Variants in STT3B observed in about 807,000 individuals in gnomAD.
STT3B encodes dolichyl-diphosphooligosaccharide--protein glycosyltransferase subunit STT3B.
STT3B carries 29 observed loss-of-function variants against 96.8 expected under a neutral mutation model. The observed-to-expected ratio is 0.30, with a 90% CI of 0.22 to 0.41. STT3B has a LOEUF of 0.41. Among genes scored for constraint, STT3B ranks in the 10% least tolerant of loss-of-function variants. STT3B has a pLI of 1.00. For synonymous variants in STT3B, 367 were observed against 360.0 expected, an observed-to-expected ratio of 1.02 and a Z score of -0.22; for missense variants, 640 against 1,022.3, an observed-to-expected ratio of 0.63 and a Z score of 5.10.
chr3:31,579,361 G>GAAAGGAAA (rs1698330282), intron 2 of STT3B, among the ~76,000 whole-genome samples: 1 of 149,938 alleles, frequency 6.7e-6, no homozygotes, highest in African/African-American at 2.4e-5. Flanking sequence ...AATTTTGTGT[G>GAAAGGAAA]TAATTTTTCT....
chr3:31,583,677 T>A (rs1039644726), intron 3 of STT3B, among the ~76,000 whole-genome samples: 2 of 152,214 alleles, frequency 1.3e-5, no homozygotes, highest in Non-Finnish European at 2.9e-5. Flanking sequence ...TCTGCCAATC[T>A]CTGTTTTTGG....
rs949533229 is a variant in STT3B at position 31,626,126 on chromosome 3, G to A, written c.2072G>A (p.Arg691Gln). 1.2e-5 allele frequency: 20 copies of A among 1,611,282 alleles called. No individual in the cohort carries two copies. The Admixed American group carries it at 1.3e-4, about 11-fold the overall frequency. The change falls in exon 13 of 16, where the codon CGG becomes CAG. Residue 691 changes from arginine to glutamine, a missense_variant and splice_region_variant. This residue lies in a region of STT3B where 40 missense variants were observed against 122.2 expected (regional missense o/e 0.33). Coordinates refer to ENST00000295770, the MANE Select transcript of STT3B (RefSeq NM_178862.3). Reference protein sequence around the residue: ...IAEGEHPKDIRESDYFTPQGE... With the variant: ...IAEGEHPKDIQESDYFTPQGE... Reference sequence around the variant, plus strand: ...GAAGGAGAACATCCCAAAGACATTCGGGTAAGAAACTAGATAATTCCAGGT... The same window carrying A: ...GAAGGAGAACATCCCAAAGACATTCAGGTAAGAAACTAGATAATTCCAGGT...
chr3:31,635,954 A>G (rs748562950), intron 15 of STT3B, 30 bp from the exon 16 acceptor site: 2 of 1,540,830 alleles, frequency 1.3e-6, no homozygotes, highest in Non-Finnish European at 1.8e-6. Flanking sequence ...AGAAACCTGC[A>G]TTAATACTAT....
Position 31,635,981 on chromosome 3 carries a change from T to C in STT3B, c.2401-3T>C. 2 of 1,598,932 alleles carry C rather than the reference T, an allele frequency of 1.3e-6. No homozygotes were observed. Among genetic ancestry groups the C allele is most frequent in the Non-Finnish European group, 1.7e-6 (2 of 1,174,090 alleles). Reference sequence around the variant, plus strand: ...TAATACTATGTGTTTTGTTTTTTTATAGACTACCAAAAGGAAGCGTGGCTA... The same window carrying C: ...TAATACTATGTGTTTTGTTTTTTTACAGACTACCAAAAGGAAGCGTGGCTA... On this transcript the variant is annotated splice_polypyrimidine_tract_variant and splice_region_variant and intron_variant, in intron 15 of 15. Coordinates refer to ENST00000295770, the MANE Select transcript of STT3B (RefSeq NM_178862.3).
chr3:31,574,085 G>A (rs956609113), intron 1 of STT3B, among the ~76,000 whole-genome samples: 1 of 152,118 alleles, frequency 6.6e-6, no homozygotes, highest in African/African-American at 2.4e-5. Context: ...GTTATTAGCA[G>A]TCCCTTGAAG....
At chr3:31,548,191 G>T (rs1299253703) in intron 1 of STT3B, among the ~76,000 whole-genome samples, 1 of 152,038 alleles carries the variant, frequency 6.6e-6, no homozygotes, top group African/African-American at 2.4e-5. Flanking sequence ...TCTTGCCTAA[G>T]AAGTAAACTA....
At position 31,577,224 on chromosome 3, in the gene STT3B, C is replaced by G. The variant is rs573546731; in HGVS notation, c.423+720C>G. Among the ~76,000 whole-genome samples, 400 of 151,826 alleles carry G rather than the reference C, an allele frequency of 2.6e-3. 2 individuals are homozygous for G. Among genetic ancestry groups the G allele is most frequent in the Non-Finnish European group, 4.3e-3 (291 of 67,874 alleles). On this transcript the variant is annotated intron_variant, in intron 2 of 15. Transcript: ENST00000295770. The stretch of plus-strand genomic sequence containing the variant: ...TTAAATTTTAATTTATTTTCTTCTT[C>G]TTTTGTGAGTTTATTTTCATGTTCT...
At chr3:31,579,712 T>C (rs1007209239) in intron 2 of STT3B, 97 bp from the exon 3 acceptor site, 22 of 975,410 alleles carry the variant, frequency 2.3e-5, no homozygotes, top group Non-Finnish European at 2.6e-5. Flanking sequence ...TTCAAACTTA[T>C]GTAAGGTAAA....
At chr3:31,586,885 A>G (rs1488095768) in intron 3 of STT3B, among the ~76,000 whole-genome samples, 1 of 152,168 alleles carries the variant, frequency 6.6e-6, no homozygotes, top group African/African-American at 2.4e-5. Context: ...GAATCACATT[A>G]TTAACTTCTT....
chr3:31,545,318 G>A (rs1275663332), intron 1 of STT3B, among the ~76,000 whole-genome samples: 1 of 152,138 alleles, frequency 6.6e-6, no homozygotes, highest in Non-Finnish European at 1.5e-5. Context: ...GCATTTCAAT[G>A]AAGTGTCAAA....
chr3:31,627,157 G>A (rs1699555213), intron 13 of STT3B, among the ~76,000 whole-genome samples: 2 of 152,170 alleles, frequency 1.3e-5, no homozygotes, highest in Non-Finnish European at 2.9e-5. Flanking sequence ...CTGGTCCGTG[G>A]CCTGTTAGGA....
At chr3:31,573,069 A>G (rs946170223) in intron 1 of STT3B, among the ~76,000 whole-genome samples, 4 of 152,168 alleles carry the variant, frequency 2.6e-5, no homozygotes, top group East Asian at 3.8e-4. Flanking sequence ...GACATCAGTG[A>G]TACAGGCAGA....
At chr3:31,594,264 T>C (rs368713254) in intron 3 of STT3B, among the ~76,000 whole-genome samples, 39 of 152,252 alleles carry the variant, frequency 2.6e-4, no homozygotes, top group African/African-American at 9.4e-4. Context: ...GCTGGTGTCC[T>C]CCCTATCATT....
At chr3:31,542,856 C>G (rs904265734) in intron 1 of STT3B, among the ~76,000 whole-genome samples, 6 of 152,116 alleles carry the variant, frequency 3.9e-5, no homozygotes, top group African/African-American at 1.2e-4. Context: ...ATCATGAGGT[C>G]AGGAGTTCAA....
chr3:31,573,061 C>T (rs946285302), intron 1 of STT3B, among the ~76,000 whole-genome samples: 1 of 151,948 alleles, frequency 6.6e-6, no homozygotes. Flanking sequence ...GGGAGGGAGA[C>T]ATCAGTGATA....
rs980255269 is a variant in STT3B, at chr3:31,537,568, C to T, written c.314+4256C>T. ...AATCATAGATTTCATGATGTATAGG[C>T]CCTACGGTAGTTAGGGTCTGTCATG... is the stretch of plus-strand genomic sequence containing the variant. On this transcript the variant is annotated intron_variant, in intron 1 of 15. Coordinates refer to ENST00000295770, the MANE Select transcript of STT3B (RefSeq NM_178862.3). Among the ~76,000 whole-genome samples the T allele has an allele frequency of 2.0e-5, 3 of 152,134 alleles. No homozygotes were observed. In the South Asian group the frequency reaches 6.2e-4, roughly 32 times the overall value.
rs1255403026 is a variant in STT3B at position 31,617,887 on chromosome 3, T to C, written c.1124-53T>C. The C allele has an allele frequency of 4.0e-6, 5 of 1,239,472 alleles. No individual in the cohort carries two copies. In the East Asian group the frequency reaches 7.0e-5, roughly 17 times the overall value. The allele number at this position is 1,239,472 out of a possible 1,614,324, so 76.8% of individuals were successfully genotyped here. A position where few individuals can be genotyped will look rare whatever the true frequency, so the allele number is the denominator to read the frequency against. On this transcript the variant is annotated intron_variant, in intron 7 of 15. Coordinates refer to ENST00000295770, the MANE Select transcript of STT3B (RefSeq NM_178862.3). ...CAATAAACATAAAGGCAATAAAAGA[T>C]TTACAAAATAATAAAAAGGCAGATT...
rs1699754642 is a variant in STT3B at position 31,636,329 on chromosome 3, T to C, written c.*265T>C. The C allele has an allele frequency of 3.6e-6, 1 of 276,890 alleles. No individual in the cohort carries two copies. Among genetic ancestry groups the C allele is most frequent in the Admixed American group, 5.3e-5 (1 of 18,920 alleles). 17.2% of individuals were successfully genotyped at this position (276,890 alleles called of 1,614,324 possible). Reference sequence around the variant, plus strand: ...TTTTTTTTATTGGTACATATTATCCTTCAAATCTGAGAATTTGGACTAACT... The same window carrying C: ...TTTTTTTTATTGGTACATATTATCCCTCAAATCTGAGAATTTGGACTAACT... On this transcript the variant is annotated 3_prime_UTR_variant, in exon 16 of 16. Transcript: ENST00000295770.
At chr3:31,597,304 C>T (rs1441150300) in intron 4 of STT3B, among the ~76,000 whole-genome samples, 13 of 152,076 alleles carry the variant, frequency 8.5e-5, no homozygotes, top group African/African-American at 2.9e-4. Context: ...GGATTACAGG[C>T]GCCCGCCACC....
Sources: gnomAD v4.1 joint callset for allele counts (sites outside exome capture counted in the v4.1 genomes callset) on GRCh38, gnomAD v4.1.1 for gene constraint, gnomAD v4.1.1 regional missense constraint, MANE v1.5 for transcripts, NCBI Gene and HGNC (gene_info 2026-07-23, HGNC 2026-07-21) for gene names.